Variants in OXR1 observed in about 807,000 individuals in gnomAD.
OXR1 encodes the protein oxidation resistance protein 1.
Under a neutral mutation model 104.6 loss-of-function variants are expected in OXR1, and 41 were observed. The observed-to-expected ratio is 0.39, with a 90% CI of 0.31 to 0.51. The LOEUF is 0.51. OXR1 is among the 20% of genes least tolerant of loss of function. The pLI is 0.77. For missense variants in OXR1, 955 were observed against 1,031.9 expected, an observed-to-expected ratio of 0.93 and a Z score of 1.02; for synonymous variants, 348 against 348.4, an observed-to-expected ratio of 1.00 and a Z score of 0.01.
In OXR1 at chr8:106,602,555, T is replaced by C. The variant is rs370883698; in HGVS notation, c.221-76655T>C. On this transcript the variant is annotated intron_variant, in intron 3 of 16. Transcript: ENST00000517566. ...TGCTGTCTAGTAAATATTGAAAGAA[T>C]AGGGAAGGAATATTTTGTTCTGTGG... is the stretch of plus-strand genomic sequence containing the variant. Among the ~76,000 whole-genome samples, 143 of 152,276 alleles carry C rather than the reference T, an allele frequency of 9.4e-4. 1 individual carries two copies. The highest frequency in any genetic ancestry group is 3.3e-3 in the African/African-American group (139 of 41,554).
chr8:106,328,064 C>T (rs560202471), intron 1 of OXR1, among the ~76,000 whole-genome samples: 9 of 152,272 alleles, frequency 5.9e-5, no homozygotes, highest in African/African-American at 2.2e-4. Flanking sequence ...ACTGTCTGTG[C>T]ATTTCTCTCA....
At chr8:106,743,774 C>T (rs1835145618) in intron 15 of OXR1, among the ~76,000 whole-genome samples, 1 of 152,140 alleles carries the variant, frequency 6.6e-6, no homozygotes. Flanking sequence ...AATGTAAGTC[C>T]TCCTAATATA....
chr8:106,485,381 C>G (rs1810580442), intron 2 of OXR1, among the ~76,000 whole-genome samples: 1 of 152,034 alleles, frequency 6.6e-6, no homozygotes, highest in African/African-American at 2.4e-5. Flanking sequence ...ATTCTTATCT[C>G]CCCCTAAATG....
chr8:106,740,514 A>C lies in OXR1; in HGVS notation c.2316+19A>C, dbSNP rs745352551. On this transcript the variant is annotated intron_variant, in intron 14 of 16. Transcript: ENST00000517566. ...TGGACAGGTATGAAACACCAACTGC[A>C]TAGATTGCTTATCCTTTAAGAGCAG... 1 of 1,595,768 alleles carries C rather than the reference A, an allele frequency of 6.3e-7. No homozygotes were observed.
At chr8:106,720,779 C>T in intron 11 of OXR1, 1 of 746,890 alleles carries the variant, frequency 1.3e-6, no homozygotes, top group Non-Finnish European at 1.6e-6. Context: ...TCTTCTTCAA[C>T]TTTGTCCATC....
At chr8:106,746,187 A>G (rs1477265125) in intron 16 of OXR1, among the ~76,000 whole-genome samples, 1 of 152,204 alleles carries the variant, frequency 6.6e-6, no homozygotes, top group Non-Finnish European at 1.5e-5. Flanking sequence ...TAATTTTTAA[A>G]TAACTGTGAT....
intron 2 of OXR1, among the ~76,000 whole-genome samples, chr8:106,392,644 G>T (rs1052970382): frequency 1.3e-5 from 2 of 152,126 alleles, no homozygotes; most frequent in Non-Finnish European, 2.9e-5. Flanking sequence ...AATTGGTAAT[G>T]GGTGGGAATT....
chr8:106,274,525 A>G (rs895934667), intron 1 of OXR1, among the ~76,000 whole-genome samples: 2 of 150,924 alleles, frequency 1.3e-5, no homozygotes, highest in Non-Finnish European at 2.9e-5. Flanking sequence ...ACCCTTACCT[A>G]TTACTGTCCC....
intron 3 of OXR1, among the ~76,000 whole-genome samples, chr8:106,646,390 G>A (rs1340085734): frequency 6.6e-6 from 1 of 152,092 alleles, no homozygotes. Flanking sequence ...TTACAGGCAT[G>A]AGCCACCGCG....
intron 2 of OXR1, among the ~76,000 whole-genome samples, chr8:106,450,764 C>CTT (rs10668587): frequency 0.071 from 10,334 of 146,010 alleles, 400 homozygotes; most frequent in Non-Finnish European, 0.089. Context: ...AAAGAGGGTG[C>CTT]TTTTTTTTTT....
At chr8:106,498,321 A>G (rs930949233) in intron 2 of OXR1, among the ~76,000 whole-genome samples, 1 of 152,234 alleles carries the variant, frequency 6.6e-6, no homozygotes, top group East Asian at 1.9e-4. Context: ...TCCTTTAAAC[A>G]TAAATCCCAA....
At chr8:106,696,393 C>G (rs1195369361) in intron 7 of OXR1, among the ~76,000 whole-genome samples, 2 of 152,176 alleles carry the variant, frequency 1.3e-5, no homozygotes, top group African/African-American at 2.4e-5. Context: ...ATCTTGATCA[C>G]TCTTAAGTTT....
intron 1 of OXR1, among the ~76,000 whole-genome samples, chr8:106,295,065 G>A (rs986286908): frequency 6.6e-6 from 1 of 152,162 alleles, no homozygotes; most frequent in Non-Finnish European, 1.5e-5. Flanking sequence ...ATAGAATATT[G>A]TAGATATTTA....
Position 106,706,939 on chromosome 8 carries a change from C to G in OXR1, c.1418C>G (p.Thr473Arg), listed in dbSNP as rs910303792. The change falls in exon 9 of 17, where the codon ACA becomes AGA. Residue 473 changes from threonine to arginine, a missense_variant. Transcript: ENST00000517566. ...AAAGAAAATATGCCTTGTGGGGAAACAGCAGAATTTAAACAAAAGCAAAGT... is the reference window on the plus strand; with the variant it reads ...AAAGAAAATATGCCTTGTGGGGAAAGAGCAGAATTTAAACAAAAGCAAAGT... Reference protein sequence around the residue: ...SQKENMPCGETAEFKQKQSVN... With the variant: ...SQKENMPCGERAEFKQKQSVN... The G allele has an allele frequency of 2.5e-6, 4 of 1,613,084 alleles. No individual in the cohort carries two copies. In the African/African-American group the frequency reaches 4.0e-5, roughly 16 times the overall value.
chr8:106,569,917 G>A (rs1214788512), intron 3 of OXR1, among the ~76,000 whole-genome samples: 1 of 152,140 alleles, frequency 6.6e-6, no homozygotes, highest in Non-Finnish European at 1.5e-5. Context: ...TTTTCCTAAG[G>A]TAAATAGATT....
intron 3 of OXR1, among the ~76,000 whole-genome samples, chr8:106,523,805 C>T (rs867325615): frequency 8.0e-5 from 12 of 149,676 alleles, no homozygotes; most frequent in Admixed American, 6.0e-4. Context: ...GACGGAGTCT[C>T]GCTCTGTTGC....
chr8:106,446,358 G>A (rs1320198183), intron 2 of OXR1, among the ~76,000 whole-genome samples: 5 of 152,230 alleles, frequency 3.3e-5, no homozygotes, highest in South Asian at 2.1e-4. Flanking sequence ...CGTGGCTCAC[G>A]CCTGTAATCC....
At position 106,683,228 on chromosome 8, in the gene OXR1, A is replaced by G; in HGVS notation, c.333A>G (p.Ile111Met). Reference sequence around the variant, plus strand: ...AATCAAGGGATTCTTTGAATAGCATAGCCCTGAAGTTTGATACAACACCTA... The same window carrying G: ...AATCAAGGGATTCTTTGAATAGCATGGCCCTGAAGTTTGATACAACACCTA... ...TVESRDSLNS[I>M]ALKFDTTPNE... Residue 111 changes from isoleucine (I) to methionine (M), a missense_variant, in exon 5 of 17, where the codon ATA (isoleucine) becomes ATG (methionine). Ile to Met is a conservative substitution (Grantham distance 10). Around this residue, in one of 2 missense-constraint regions of OXR1, gnomAD observed 849 missense variants for 852.9 expected, o/e 1.00. Transcript: ENST00000517566. 1 of 1,595,944 alleles carries G rather than the reference A, an allele frequency of 6.3e-7. No homozygotes were observed. Among genetic ancestry groups the G allele is most frequent in the Non-Finnish European group, 8.6e-7 (1 of 1,164,414 alleles).
chr8:106,657,450 T>G (rs1825203736), intron 3 of OXR1: 1 of 152,470 alleles, frequency 6.6e-6, no homozygotes, highest in African/African-American at 2.4e-5. Context: ...GCTCCCGAAC[T>G]CCATGCAACT....
Sources: gnomAD v4.1 joint callset for allele counts (sites outside exome capture counted in the v4.1 genomes callset) on GRCh38, gnomAD v4.1.1 for gene constraint, gnomAD v4.1.1 regional missense constraint, MANE v1.5 for transcripts, NCBI Gene and HGNC (gene_info 2026-07-23, HGNC 2026-07-21) for gene names.